FAIM: variants seen among roughly 807,000 people sequenced by gnomAD.
FAIM encodes fas apoptotic inhibitory molecule 1.
Under a neutral mutation model 21.2 loss-of-function variants are expected in FAIM, and 14 were observed. That is an observed-to-expected ratio of 0.66 (90% CI 0.44 to 1.03). FAIM has a LOEUF of 1.03. FAIM is among the 50% of genes least tolerant of loss of function. The probability of loss-of-function intolerance (pLI) is 0.00; values close to 1 mark genes in which losing one functional copy is unlikely to be tolerated. For synonymous variants in FAIM, 86 were observed against 80.4 expected (o/e 1.07, Z -0.37); for missense variants, 222 against 247.1 (o/e 0.90, Z 0.68).
At chr3:138,620,298 G>A (rs2042870179) in intron 2 of FAIM, among the ~76,000 whole-genome samples, 1 of 152,106 alleles carries the variant, frequency 6.6e-6, no homozygotes, top group Non-Finnish European at 1.5e-5. Context: ...AACAATGACT[G>A]ATACATAGTT....
In FAIM at chr3:138,633,270, G is replaced by A; in HGVS notation, c.*191G>A. 1 of 391,490 alleles carries A rather than the reference G, an allele frequency of 2.6e-6. No individual in the cohort carries two copies. 24.3% of individuals were successfully genotyped at this position (391,490 alleles called of 1,614,324 possible). A position where few individuals can be genotyped will look rare whatever the true frequency, so the allele number is the denominator to read the frequency against. On this transcript the variant is annotated 3_prime_UTR_variant, in exon 6 of 6. Coordinates refer to ENST00000360570, the MANE Select transcript of FAIM (RefSeq NM_001033031.2). ...AGTCATAAAAATTACAATTTATGAT[G>A]CAAATAATGTAAAATGTTTTAAAGA...
intron 4 of FAIM, among the ~76,000 whole-genome samples, chr3:138,625,411 T>C (rs2108351361): frequency 6.6e-6 from 1 of 151,552 alleles, no homozygotes; most frequent in East Asian, 1.9e-4. Context: ...TGCAGTGAGC[T>C]GAGATTGCGC....
Position 138,633,329 on chromosome 3 carries a change from A to G in FAIM, c.*250A>G. ...AAATAAGATATGGACCAAAGTCACT[A>G]ATGTTTTACAACAGTAACCTTTACT... On this transcript the variant is annotated 3_prime_UTR_variant, in exon 6 of 6. Coordinates refer to ENST00000360570, the MANE Select transcript of FAIM (RefSeq NM_001033031.2). 1 of 272,080 alleles carries G rather than the reference A, an allele frequency of 3.7e-6. No homozygotes were observed. The highest frequency in any genetic ancestry group is 7.0e-5 in the South Asian group (1 of 14,370). 16.9% of individuals were successfully genotyped at this position (272,080 alleles called of 1,614,324 possible).
rs546528649 is a variant in FAIM, at chr3:138,616,924, GCTTCAGTACTTA to G, written c.-16-2784_-16-2773del. Among the ~76,000 whole-genome samples the G allele has an allele frequency of 1.6e-4, 24 of 152,082 alleles. No homozygotes were observed. In the South Asian group the frequency reaches 5.0e-3, roughly 32 times the overall value. On this transcript the variant is annotated intron_variant, in intron 1 of 5. Transcript: ENST00000360570. ...AATGCTTCAAATTTGCCAGATAATT[GCTTCAGTACTTA>G]CTCTTATCTTTGTTTATAATCCTCT...
chr3:138,609,032 A>C (rs1040416201), intron 1 of FAIM, 95 bp downstream of exon 1: 1 of 152,164 alleles, frequency 6.6e-6, no homozygotes, highest in African/African-American at 2.4e-5. Flanking sequence ...CCCTGCACTC[A>C]GCCCCCCGGC....
At chr3:138,620,396 A>G (rs1459326528) in intron 2 of FAIM, among the ~76,000 whole-genome samples, 1 of 152,224 alleles carries the variant, frequency 6.6e-6, no homozygotes, top group Non-Finnish European at 1.5e-5. Context: ...ATATCAAAAT[A>G]TTAATTAGAT....
chr3:138,623,861 AGGG>A (rs1471121476), intron 4 of FAIM, among the ~76,000 whole-genome samples: 1 of 152,172 alleles, frequency 6.6e-6, no homozygotes, highest in East Asian at 1.9e-4. Context: ...CTCCTGATAA[AGGG>A]TGTCTAAGAA....
intron 4 of FAIM, among the ~76,000 whole-genome samples, chr3:138,627,930 ACCTGACCC>A: frequency 6.6e-6 from 1 of 152,054 alleles, no homozygotes; most frequent in Non-Finnish European, 1.5e-5. Flanking sequence ...GGTGCCTCAA[ACCTGACCC>A]CCAGACTCCT....
At chr3:138,609,559 T>TCCCTCCCTCTC (rs2042737390) in intron 1 of FAIM, among the ~76,000 whole-genome samples, 1 of 89,922 alleles carries the variant, frequency 1.1e-5, no homozygotes, top group Admixed American at 1.3e-4. Flanking sequence ...TCTCTCTCTC[T>TCCCTCCCTCTC]CTCTCTCTCT....
At chr3:138,624,882 T>C (rs1450660933) in intron 4 of FAIM, among the ~76,000 whole-genome samples, 1 of 151,740 alleles carries the variant, frequency 6.6e-6, no homozygotes, top group Non-Finnish European at 1.5e-5. Flanking sequence ...ATATTATTTG[T>C]CAGCCAGGTG....
intron 4 of FAIM, among the ~76,000 whole-genome samples, chr3:138,624,692 C>T (rs2042922681): frequency 6.6e-6 from 1 of 152,190 alleles, no homozygotes; most frequent in Non-Finnish European, 1.5e-5. Context: ...ATGAAGAATG[C>T]AGGCTCCAGG....
At chr3:138,619,017 T>G (rs1293431314) in intron 1 of FAIM, among the ~76,000 whole-genome samples, 1 of 152,202 alleles carries the variant, frequency 6.6e-6, no homozygotes, top group Non-Finnish European at 1.5e-5. Context: ...AGTTCTGGGT[T>G]GGATCCTGCC....
intron 5 of FAIM, chr3:138,630,056 A>G (rs1459768931): frequency 1.3e-5 from 2 of 152,108 alleles, no homozygotes; most frequent in Non-Finnish European, 2.9e-5. Context: ...CCAAGCAGGG[A>G]GTGCTATCCC....
In FAIM at chr3:138,624,773, AT is replaced by A. The variant is rs548462229; in HGVS notation, c.406+2358del. ...TTTCCTCATCTGTAAAATGGGGATAATGTAACTCCCTCACAGAGTTGTGATA... is the reference window on the plus strand; with the variant it reads ...TTTCCTCATCTGTAAAATGGGGATAAGTAACTCCCTCACAGAGTTGTGATA... On this transcript the variant is annotated intron_variant, in intron 4 of 5. Transcript: ENST00000360570. 4.6e-5 allele frequency among the ~76,000 whole-genome samples: 7 copies of A among 152,224 alleles called. No individual in the cohort carries two copies. The South Asian group carries it at 6.2e-4, about 14-fold the overall frequency.
At chr3:138,629,416 A>ACAGCAAGTAAAATACC (rs1553876296) in intron 5 of FAIM, 3 of 288,512 alleles carry the variant, frequency 1.0e-5, no homozygotes, top group African/African-American at 6.9e-5. Flanking sequence ...AGGCTCCAGC[A>ACAGCAAGTAAAATACC]TAGCAAGTAA....
chr3:138,609,595 T>TCTCTCTTTCTCGA (rs2042742690), intron 1 of FAIM, among the ~76,000 whole-genome samples: 1 of 17,896 alleles, frequency 5.6e-5, no homozygotes, highest in Non-Finnish European at 1.1e-4. Flanking sequence ...CTCTCTCGAC[T>TCTCTCTTTCTCGA]CTCTCTCTCT....
In FAIM at chr3:138,632,937, T is replaced by C. The variant is rs1434413811; in HGVS notation, c.464T>C (p.Phe155Ser). ...CTTCTTTTGTTGCTCCAGGGTGAGTTTGTAGATGATGGGACTGAAACTCAC... is the reference window on the plus strand; with the variant it reads ...CTTCTTTTGTTGCTCCAGGGTGAGTCTGTAGATGATGGGACTGAAACTCAC... Reference protein sequence around the residue: ...NGKKLETAGEFVDDGTETHFS... With the variant: ...NGKKLETAGESVDDGTETHFS... Residue 155 changes from phenylalanine to serine, a missense_variant, in exon 6 of 6, where the codon TTT (phenylalanine) becomes TCT (serine). Phe to Ser is a radical substitution (Grantham distance 155). Coordinates refer to ENST00000360570, the MANE Select transcript of FAIM (RefSeq NM_001033031.2). 2.7e-5 allele frequency: 44 copies of C among 1,612,598 alleles called. No individual in the cohort carries two copies. The highest frequency in any genetic ancestry group is 3.6e-5 in the Non-Finnish European group (42 of 1,179,502).
intron 4 of FAIM, among the ~76,000 whole-genome samples, chr3:138,628,101 G>T (rs1026971571): frequency 6.6e-6 from 1 of 152,166 alleles, no homozygotes; most frequent in Non-Finnish European, 1.5e-5. Flanking sequence ...CCTGAGATGA[G>T]CTATGGCAAG....
rs1419884269 is a variant in FAIM at position 138,611,111 on chromosome 3, A to G, written c.-17+2174A>G. 6.2e-6 allele frequency: 7 copies of G among 1,122,572 alleles called. No individual in the cohort carries two copies. The Admixed American group carries it at 1.1e-4, about 18-fold the overall frequency. 69.5% of individuals were successfully genotyped at this position (1,122,572 alleles called of 1,614,324 possible). On this transcript the variant is annotated intron_variant, in intron 1 of 5. Transcript: ENST00000360570. Reference sequence around the variant, plus strand: ...GTATGCTGGATGAACTTAGAATATGACATGTGTTTATTAAATTGAATTTGT... The same window carrying G: ...GTATGCTGGATGAACTTAGAATATGGCATGTGTTTATTAAATTGAATTTGT...
Sources: allele counts gnomAD v4.1 joint callset (sites outside exome capture counted in the v4.1 genomes callset), GRCh38; gene constraint gnomAD v4.1.1; transcripts MANE v1.5; gene names NCBI Gene and HGNC (gene_info 2026-07-23, HGNC 2026-07-21).